PLA2G6: variants seen among roughly 807,000 people sequenced by gnomAD.
The protein encoded by PLA2G6 is 85/88 kDa calcium-independent phospholipase A2.
A neutral mutation model predicts 83.8 loss-of-function variants in PLA2G6; 62 were observed. The observed-to-expected ratio is 0.74, with a 90% CI of 0.60 to 0.91. The LOEUF (loss-of-function observed/expected upper bound fraction) is 0.91. PLA2G6 is among the 40% of genes least tolerant of loss of function. The pLI is 0.00. For synonymous variants in PLA2G6, 417 were observed against 449.8 expected (o/e 0.93, Z 0.92); for missense variants, 944 against 1,102.0 (o/e 0.86, Z 2.03).
chr22:38,168,083 C>T (rs551592888), intron 2 of PLA2G6: 2 of 165,912 alleles, frequency 1.2e-5, no homozygotes, highest in African/African-American at 4.8e-5. Flanking sequence ...TTCCTAGGCT[C>T]TCCCTCTGTC....
At chr22:38,149,095 GAT>G (rs1422097814) in intron 2 of PLA2G6, 4 of 152,588 alleles carry the variant, frequency 2.6e-5, no homozygotes, top group Non-Finnish European at 5.9e-5. Flanking sequence ...TTGATCTCCT[GAT>G]CTCGTGATCC....
chr22:38,176,105 G>A (rs890424411), intron 1 of PLA2G6, among the ~76,000 whole-genome samples: 8 of 152,096 alleles, frequency 5.3e-5, no homozygotes, highest in East Asian at 3.9e-4. Flanking sequence ...CTCCTCCACC[G>A]GGAGAACCTG....
In PLA2G6 at chr22:38,128,542, T is replaced by A; in HGVS notation, c.1187-112A>T. ...GTCCCCTGTCCCAGCTCCCAGGCCC[T>A]GGGCACGTGGGCTGCTCCAGAGGCC... On this transcript the variant is annotated intron_variant, in intron 8 of 16. Transcript: ENST00000332509. This position sits in a 1 kb window ranked among gnomAD's most constrained non-coding sequence, Gnocchi z 4.4. 1 of 1,171,760 alleles carries A rather than the reference T, an allele frequency of 8.5e-7. No homozygotes were observed. The highest frequency in any genetic ancestry group is 1.2e-6 in the Non-Finnish European group (1 of 815,550). The allele number at this position is 1,171,760 out of a possible 1,614,324, so 72.6% of individuals were successfully genotyped here.
At chr22:38,114,131 C>T (rs535486177) in intron 14 of PLA2G6, among the ~76,000 whole-genome samples, 33 of 151,484 alleles carry the variant, frequency 2.2e-4, no homozygotes, top group African/African-American at 7.0e-4. Flanking sequence ...GCAGGGGCCA[C>T]GTGGTAGGGA....
chr22:38,142,349 TC>T (rs2088967427), intron 4 of PLA2G6: 1 of 152,524 alleles, frequency 6.6e-6, no homozygotes, highest in Non-Finnish European at 1.5e-5. Flanking sequence ...TTCTGTTCAA[TC>T]TAATATATGA....
At position 38,169,132 on chromosome 22, in the gene PLA2G6, A is replaced by C; in HGVS notation, c.209+86T>G. 15 of 1,052,100 alleles carry C rather than the reference A, an allele frequency of 1.4e-5. No individual in the cohort carries two copies. The South Asian group carries it at 2.0e-4, about 14-fold the overall frequency. The allele number at this position is 1,052,100 out of a possible 1,614,324, so 65.2% of individuals were successfully genotyped here. A position where few individuals can be genotyped will look rare whatever the true frequency, so the allele number is the denominator to read the frequency against. ...AGACCCCTCAGACAGAGACTCAAAG[A>C]AACTGCTTCTCGGCCAATAAGACCT... On this transcript the variant is annotated intron_variant, in intron 2 of 16. Transcript: ENST00000332509.
In PLA2G6 at chr22:38,123,387, C is replaced by A; in HGVS notation, c.1428-129G>T. The A allele has an allele frequency of 1.1e-6, 1 of 941,068 alleles. No homozygotes were observed. Among genetic ancestry groups the A allele is most frequent in the South Asian group, 1.4e-5 (1 of 71,396 alleles). The allele number at this position is 941,068 out of a possible 1,614,324, so 58.3% of individuals were successfully genotyped here. A position where few individuals can be genotyped will look rare whatever the true frequency, so the allele number is the denominator to read the frequency against. On this transcript the variant is annotated intron_variant, in intron 10 of 16. Transcript: ENST00000332509. This position sits in a 1 kb window ranked among gnomAD's most constrained non-coding sequence, Gnocchi z 4.1. ...AGACCCAGACGGACCCGAGGAACTT[C>A]TGTCCTATGCAGGACAGCGAGGGTG...
chr22:38,172,282 T>A (rs2090465905), intron 1 of PLA2G6, among the ~76,000 whole-genome samples: 1 of 152,178 alleles, frequency 6.6e-6, no homozygotes, highest in Non-Finnish European at 1.5e-5. Flanking sequence ...AGCTAGTGGG[T>A]GGAGCAGTGA....
chr22:38,128,654 G>T lies in PLA2G6; in HGVS notation c.1187-224C>A, dbSNP rs761607379. Among the ~76,000 whole-genome samples the T allele has an allele frequency of 6.6e-6, 1 of 152,194 alleles. No individual in the cohort carries two copies. The highest frequency in any genetic ancestry group is 1.5e-5 in the Non-Finnish European group (1 of 68,030). On this transcript the variant is annotated intron_variant, in intron 8 of 16. Transcript: ENST00000332509. The surrounding 1 kb of genome is among the most constrained non-coding windows in gnomAD (Gnocchi z 4.4). ...GCCAGGGAAGGAGGATATGGGAGGA[G>T]GAGGTCAGTGTCACCCTGCCCGATG...
At chr22:38,151,875 C>A (rs1291345415) in intron 2 of PLA2G6, among the ~76,000 whole-genome samples, 1 of 152,172 alleles carries the variant, frequency 6.6e-6, no homozygotes, top group Non-Finnish European at 1.5e-5. Context: ...TTGTTGTTGT[C>A]AAAGTTTTGC....
At chr22:38,159,424 A>G (rs1368882899) in intron 2 of PLA2G6, among the ~76,000 whole-genome samples, 2 of 152,116 alleles carry the variant, frequency 1.3e-5, no homozygotes, top group Non-Finnish European at 2.9e-5. Flanking sequence ...AATTCTTCCA[A>G]ACATTTAAGA....
At position 38,128,142 on chromosome 22, in the gene PLA2G6, G is replaced by A. The variant is rs9622732; in HGVS notation, c.1348+127C>T. Reference sequence around the variant, plus strand: ...TGGCTGCCTAGAGGCTGACAACTCCGGCCCCATCCTCCCCGGCTTCCTTTA... The same window carrying A: ...TGGCTGCCTAGAGGCTGACAACTCCAGCCCCATCCTCCCCGGCTTCCTTTA... On this transcript the variant is annotated intron_variant, in intron 9 of 16. Transcript: ENST00000332509. The surrounding 1 kb of genome is among the most constrained non-coding windows in gnomAD (Gnocchi z 4.4). 19 of 1,003,682 alleles carry A rather than the reference G, an allele frequency of 1.9e-5. No homozygotes were observed. The highest frequency in any genetic ancestry group is 4.8e-5 in the African/African-American group (3 of 62,882). 62.2% of individuals were successfully genotyped at this position (1,003,682 alleles called of 1,614,324 possible). A position where few individuals can be genotyped will look rare whatever the true frequency, so the allele number is the denominator to read the frequency against.
chr22:38,145,110 T>G (rs1450137061), intron 3 of PLA2G6: 1 of 356,992 alleles, frequency 2.8e-6, no homozygotes, highest in African/African-American at 2.2e-5. Context: ...GGTGCAATCA[T>G]AGCTCACTGT....
Position 38,120,888 on chromosome 22 carries a change from C to G in PLA2G6, c.1613G>C (p.Arg538Pro). 1 of 1,613,668 alleles carries G rather than the reference C, an allele frequency of 6.2e-7. No individual in the cohort carries two copies. The highest frequency in any genetic ancestry group is 8.5e-7 in the Non-Finnish European group (1 of 1,180,002). The stretch of plus-strand genomic sequence containing the variant: ...ATCCTTCATGCGAAAGTACATGCCG[C>G]GCATGTAGGCCATGGACTTACCTAG... ...ILHSKSMAYM[R>P]GMYFRMKDEV... Residue 538 changes from arginine (R) to proline (P), a missense_variant, in exon 12 of 17, where the codon CGC (arginine) becomes CCC (proline). Physicochemically the swap from Arg to Pro is moderately radical, Grantham distance 103 (BLOSUM62 -2). Transcript: ENST00000332509.
intron 2 of PLA2G6, among the ~76,000 whole-genome samples, chr22:38,164,861 C>T (rs1454844854): frequency 6.6e-6 from 1 of 152,154 alleles, no homozygotes. Flanking sequence ...TGCACCAGGC[C>T]TGCTCTCCAC....
chr22:38,118,565 A>G (rs1033824471), intron 12 of PLA2G6, among the ~76,000 whole-genome samples: 1 of 152,172 alleles, frequency 6.6e-6, no homozygotes, highest in Non-Finnish European at 1.5e-5. Flanking sequence ...TGATCTTTTC[A>G]TATTTTGAAA....
intron 5 of PLA2G6, 91 bp downstream of exon 5, chr22:38,139,891 A>G (rs996005743): frequency 1.5e-5 from 16 of 1,036,126 alleles, no homozygotes; most frequent in Non-Finnish European, 2.1e-5. Flanking sequence ...GCTAAGATCT[A>G]TGGTGGATAC....
intron 1 of PLA2G6, among the ~76,000 whole-genome samples, chr22:38,173,628 G>C (rs1028188561): frequency 2.6e-5 from 4 of 152,206 alleles, no homozygotes; most frequent in East Asian, 1.9e-4. Flanking sequence ...GACTGACAGA[G>C]AGTGTGCTGG....
At position 38,129,563 on chromosome 22, in the gene PLA2G6, C is replaced by T. The variant is rs2088081974; in HGVS notation, c.1078-1G>A. 2.5e-6 allele frequency: 4 copies of T among 1,610,128 alleles called. No individual in the cohort carries two copies. Among genetic ancestry groups the T allele is most frequent in the Non-Finnish European group, 3.4e-6 (4 of 1,176,570 alleles). ...CCTTGATCATCTCCACGTTGTCTTT[C>T]TGTTGGAGATGGAGAGAGGATAAGA... On this transcript the variant is annotated splice_acceptor_variant, in intron 7 of 16. Coordinates refer to ENST00000332509, the MANE Select transcript of PLA2G6 (RefSeq NM_003560.4). LOFTEE classifies it high-confidence loss of function.
Sources: allele counts gnomAD v4.1 joint callset (sites outside exome capture counted in the v4.1 genomes callset), GRCh38; gene constraint gnomAD v4.1.1; non-coding constraint Gnocchi (gnomAD v3.1); transcripts MANE v1.5; gene names NCBI Gene and HGNC (gene_info 2026-07-23, HGNC 2026-07-21).